PLEKHA6: variants seen among roughly 807,000 people sequenced by gnomAD.
The protein encoded by PLEKHA6 is pleckstrin homology domain containing A6.
Under a neutral mutation model 116.7 loss-of-function variants are expected in PLEKHA6, and 60 were observed. The observed-to-expected ratio is 0.51, with a 90% confidence interval of 0.42 to 0.64. The LOEUF is 0.64. Among genes scored for constraint, PLEKHA6 ranks in the 30% least tolerant of loss-of-function variants. The probability of loss-of-function intolerance (pLI) is 0.00; values close to 1 mark genes in which losing one functional copy is unlikely to be tolerated. For synonymous variants in PLEKHA6, 489 were observed against 556.1 expected (o/e 0.88, Z 1.70); for missense variants, 1,338 against 1,422.7 (o/e 0.94, Z 0.96).
At chr1:204,235,315 AAGG>A (rs1481707732) in intron 17 of PLEKHA6, among the ~76,000 whole-genome samples, 1 of 152,138 alleles carries the variant, frequency 6.6e-6, no homozygotes, top group African/African-American at 2.4e-5. Flanking sequence ...ATTGAGAGGC[AAGG>A]AGTTTAGTGA....
intron 17 of PLEKHA6, among the ~76,000 whole-genome samples, 191 bp from the exon 18 acceptor site, chr1:204,230,777 AC>A (rs1350130656): frequency 2.6e-5 from 4 of 152,204 alleles, no homozygotes; most frequent in Non-Finnish European, 5.9e-5. Context: ...ATATGAGATC[AC>A]CCTGAATTAG....
At chr1:204,295,499 A>AC (rs1266954360) in intron 1 of PLEKHA6, among the ~76,000 whole-genome samples, 1 of 151,638 alleles carries the variant, frequency 6.6e-6, no homozygotes, top group Non-Finnish European at 1.5e-5. Context: ...CAAAAAAAAA[A>AC]AAACAAACAA....
At position 204,250,602 on chromosome 1, in the gene PLEKHA6, G is replaced by A. The variant is rs953903078; in HGVS notation, c.1537C>T (p.Pro513Ser). 9 of 1,612,148 alleles carry A rather than the reference G, an allele frequency of 5.6e-6. No homozygotes were observed. In the African/African-American group the frequency reaches 1.1e-4, roughly 19 times the overall value. Residue 513 changes from proline to serine, a missense_variant, in exon 10 of 23, where the codon CCA (proline) becomes TCA (serine). By Grantham distance (74) the Pro-to-Ser change is moderately conservative. Around this residue, in one of 3 missense-constraint regions of PLEKHA6, gnomAD observed 1,136 missense variants for 1,163.6 expected, o/e 0.98. Transcript: ENST00000272203. ...SISSPKVPPYPEVFRDSLHTY... is the reference protein window; with the variant it reads ...SISSPKVPPYSEVFRDSLHTY... Reference sequence around the variant, plus strand: ...TGGAGGCTGTCCCGGAACACTTCTGGGTATGGAGGGACCTGCAGGAACATG... The same window carrying A: ...TGGAGGCTGTCCCGGAACACTTCTGAGTATGGAGGGACCTGCAGGAACATG...
chr1:204,324,404 C>T (rs1316814303), intron 1 of PLEKHA6, among the ~76,000 whole-genome samples: 1 of 152,016 alleles, frequency 6.6e-6, no homozygotes, highest in East Asian at 1.9e-4. Context: ...ATGAATAAGC[C>T]CTTTATGGGA....
intron 15 of PLEKHA6, among the ~76,000 whole-genome samples, chr1:204,242,400 A>G (rs531068686): frequency 6.6e-6 from 1 of 152,336 alleles, no homozygotes; most frequent in East Asian, 1.9e-4. Flanking sequence ...CAACTAGAGA[A>G]CAGAGGTCCC....
At chr1:204,344,338 G>A (rs752203090) in intron 1 of PLEKHA6, among the ~76,000 whole-genome samples, 11 of 152,236 alleles carry the variant, frequency 7.2e-5, no homozygotes, top group South Asian at 4.2e-4. Context: ...GGTGGCTCAC[G>A]CCTGTAATCC....
chr1:204,292,150 T>C (rs1170686064), intron 1 of PLEKHA6, among the ~76,000 whole-genome samples: 1 of 152,202 alleles, frequency 6.6e-6, no homozygotes, highest in Non-Finnish European at 1.5e-5. Context: ...CAGACCTGAA[T>C]ACGGTCTTCA....
chr1:204,345,553 C>T (rs1336698898), intron 1 of PLEKHA6, among the ~76,000 whole-genome samples: 1 of 152,084 alleles, frequency 6.6e-6, no homozygotes, highest in African/African-American at 2.4e-5. Flanking sequence ...CTGGGTGCCA[C>T]CATGAGGCAG....
chr1:204,375,171 C>T, intron 1 of PLEKHA6, among the ~76,000 whole-genome samples: 1 of 152,074 alleles, frequency 6.6e-6, no homozygotes, highest in Non-Finnish European at 1.5e-5. Flanking sequence ...CCTGTCTTTT[C>T]CCTCGCACTC....
At chr1:204,271,090 G>A (rs1270588590) in intron 3 of PLEKHA6, among the ~76,000 whole-genome samples, 1 of 152,218 alleles carries the variant, frequency 6.6e-6, no homozygotes, top group Non-Finnish European at 1.5e-5. Flanking sequence ...GGCTTTGAAT[G>A]CAGCCCAACA....
At chr1:204,345,258 A>G (rs185007903) in intron 1 of PLEKHA6, among the ~76,000 whole-genome samples, 4 of 152,248 alleles carry the variant, frequency 2.6e-5, no homozygotes, top group Admixed American at 2.0e-4. Context: ...TTTGATACAA[A>G]AAAGTCCTTC....
At chr1:204,243,301 G>A (rs572828111) in intron 15 of PLEKHA6, 221 of 399,736 alleles carry the variant, frequency 5.5e-4, no homozygotes, top group Non-Finnish European at 8.3e-4. Context: ...GGAGGAACAA[G>A]AGCAGCCACT....
At chr1:204,364,687 C>A (rs961516658), upstream of PLEKHA6, among the ~76,000 whole-genome samples, 1 of 152,178 alleles carries the variant, frequency 6.6e-6, no homozygotes, top group Non-Finnish European at 1.5e-5. Context: ...CCGGACTTTA[C>A]GACCCCCCTG....
intron 1 of PLEKHA6, among the ~76,000 whole-genome samples, chr1:204,353,959 G>A (rs1673351098): frequency 6.6e-6 from 1 of 152,136 alleles, no homozygotes. Context: ...TCCAGTCCCT[G>A]GATAGCCCAC....
chr1:204,317,102 G>T, intron 1 of PLEKHA6: 5 of 258,688 alleles, frequency 1.9e-5, no homozygotes, highest in Non-Finnish European at 3.0e-5. Flanking sequence ...GAATGGAATG[G>T]AACCTGTGCT....
chr1:204,336,681 C>T (rs932660044), intron 1 of PLEKHA6, among the ~76,000 whole-genome samples: 2 of 152,194 alleles, frequency 1.3e-5, no homozygotes, highest in Non-Finnish European at 2.9e-5. Flanking sequence ...CTCCTCCCTG[C>T]CTTACCCTCC....
chr1:204,245,539 T>G, intron 14 of PLEKHA6, 76 bp downstream of exon 14: 1 of 832,602 alleles, frequency 1.2e-6, no homozygotes. Flanking sequence ...CTGGCAGGAG[T>G]GGGATGGAGG....
intron 1 of PLEKHA6, among the ~76,000 whole-genome samples, chr1:204,349,004 A>G (rs534862089): frequency 3.1e-4 from 47 of 152,272 alleles, no homozygotes; most frequent in African/African-American, 1.1e-3. Flanking sequence ...CCACGCAGCT[A>G]GCCCCACCCA....
rs112581308 is a variant in PLEKHA6, at chr1:204,244,792, T to C, written c.2172+72A>G. 10,031 of 1,200,786 alleles carry C rather than the reference T, an allele frequency of 8.4e-3. 66 individuals carry two copies. The highest frequency in any genetic ancestry group is 0.01 in the Non-Finnish European group (8,853 of 874,784). 74.4% of individuals were successfully genotyped at this position (1,200,786 alleles called of 1,614,324 possible). Reference sequence around the variant, plus strand: ...GTGGGGAAGAGATGGGCACAGAAGTTGTATAGTTTCAGACAAACGAGGATC... The same window carrying C: ...GTGGGGAAGAGATGGGCACAGAAGTCGTATAGTTTCAGACAAACGAGGATC... On this transcript the variant is annotated intron_variant, in intron 15 of 22. Coordinates refer to ENST00000272203, the MANE Select transcript of PLEKHA6 (RefSeq NM_014935.5).
Sources: gnomAD v4.1 joint callset for allele counts (sites outside exome capture counted in the v4.1 genomes callset) on GRCh38, gnomAD v4.1.1 for gene constraint, gnomAD v4.1.1 regional missense constraint, MANE v1.5 for transcripts, NCBI Gene and HGNC (gene_info 2026-07-23, HGNC 2026-07-21) for gene names.